Variants in NCBP3 observed in about 807,000 individuals in gnomAD.
The protein encoded by NCBP3 is nuclear cap-binding protein subunit 3.
Under a neutral mutation model 75.7 loss-of-function variants are expected in NCBP3, and 20 were observed. The ratio of observed to expected loss-of-function variants is 0.26; its 90% confidence interval spans 0.19 to 0.38. NCBP3 has a LOEUF of 0.38. Among genes scored for constraint, NCBP3 ranks in the 10% least tolerant of loss-of-function variants. The pLI, the probability that NCBP3 is intolerant of heterozygous loss-of-function variation, is 1.00. For missense variants in NCBP3, 678 were observed against 796.9 expected (o/e 0.85, Z 1.80); for synonymous variants, 293 against 290.5 (o/e 1.01, Z -0.09).
At chr17:3,839,953 A>AGAAATGGAGACT in intron 3 of NCBP3, 147 bp downstream of exon 3, 1 of 591,042 alleles carries the variant, frequency 1.7e-6, no homozygotes, top group Non-Finnish European at 3.0e-6. Flanking sequence ...AGGTGACCTC[A>AGAAATGGAGACT]GAAATGGAGA....
intron 4 of NCBP3, among the ~76,000 whole-genome samples, chr17:3,826,660 AAAAG>A (rs201979779): frequency 0.011 from 1,589 of 149,492 alleles, 10 homozygotes; most frequent in Middle Eastern, 0.014. Flanking sequence ...AAATAAATAA[AAAAG>A]AAAGAAAGAA....
chr17:3,845,543 G>C (rs1461762058), intron 1 of NCBP3, among the ~76,000 whole-genome samples: 1 of 152,162 alleles, frequency 6.6e-6, no homozygotes, highest in Admixed American at 6.5e-5. Flanking sequence ...GACAGAAACA[G>C]TGAGTTTCTG....
At chr17:3,829,974 A>C (rs1235950856) in intron 3 of NCBP3, among the ~76,000 whole-genome samples, 1 of 152,204 alleles carries the variant, frequency 6.6e-6, no homozygotes, top group Non-Finnish European at 1.5e-5. Flanking sequence ...TGAAAACAAG[A>C]AGACACCAGT....
chr17:3,806,154 C>T lies in NCBP3; in HGVS notation c.*6890G>A, dbSNP rs1311940328. ...AGCGCAGTGGCGCGATCTCACCTCA[C>T]TGCAACCTCTGCCTCCCGGGTTCAA... On this transcript the variant is annotated 3_prime_UTR_variant, in exon 13 of 13. Coordinates refer to ENST00000389005, the MANE Select transcript of NCBP3 (RefSeq NM_001114118.3). 2 of 151,848 alleles carry T rather than the reference C, an allele frequency of 1.3e-5. No individual in the cohort carries two copies. The highest frequency in any genetic ancestry group is 1.9e-4 in the East Asian group (1 of 5,196). The allele number at this position is 151,848 out of a possible 1,614,324, so 9.4% of individuals were successfully genotyped here. A position where few individuals can be genotyped will look rare whatever the true frequency, so the allele number is the denominator to read the frequency against.
chr17:3,831,095 G>T (rs1018754746), intron 3 of NCBP3, among the ~76,000 whole-genome samples: 1 of 150,326 alleles, frequency 6.7e-6, no homozygotes, highest in African/African-American at 2.4e-5. Flanking sequence ...ATTTTTAGTA[G>T]AGACGACGTT....
At chr17:3,844,972 C>G (rs1172608229) in intron 1 of NCBP3, among the ~76,000 whole-genome samples, 2 of 152,158 alleles carry the variant, frequency 1.3e-5, no homozygotes, top group African/African-American at 4.8e-5. Context: ...AACTGAATGA[C>G]TAAAGGGATG....
rs531592278 is a variant in NCBP3 at position 3,816,809 on chromosome 17, G to A, written c.1311-539C>T. The stretch of plus-strand genomic sequence containing the variant: ...AGCACTTTGGGAAGCTGAGGCGGGC[G>A]GATCACGAGGTCAGGAGATCGAGAC... On this transcript the variant is annotated intron_variant, in intron 10 of 12. Coordinates refer to ENST00000389005, the MANE Select transcript of NCBP3 (RefSeq NM_001114118.3). 7.5e-4 allele frequency among the ~76,000 whole-genome samples: 114 copies of A among 152,244 alleles called. No individual in the cohort carries two copies. The South Asian group carries it at 0.016, about 21-fold the overall frequency.
At chr17:3,842,984 A>C (rs1156767631) in intron 2 of NCBP3, 102 bp downstream of exon 2, 1 of 1,042,384 alleles carries the variant, frequency 9.6e-7, no homozygotes, top group Non-Finnish European at 1.4e-6. Flanking sequence ...TAAATCCAGC[A>C]ACAAAATAAA....
chr17:3,840,075 A>C (rs1278103684), intron 3 of NCBP3, 25 bp downstream of exon 3: 4 of 1,538,412 alleles, frequency 2.6e-6, no homozygotes, highest in Admixed American at 3.9e-5. Context: ...AAATGTGGAC[A>C]AATTTCCCAC....
chr17:3,830,572 T>C (rs943931591), intron 3 of NCBP3, among the ~76,000 whole-genome samples: 53 of 152,200 alleles, frequency 3.5e-4, no homozygotes, highest in African/African-American at 1.3e-3. Context: ...AAAAAGAAAC[T>C]TAGCCTTATC....
At chr17:3,824,252 G>A (rs1163551223) in intron 7 of NCBP3, 2 of 151,484 alleles carry the variant, frequency 1.3e-5, no homozygotes, top group Non-Finnish European at 2.9e-5. Context: ...TACATTTAGG[G>A]GTGATGGGTT....
rs1398221051 is a variant in NCBP3, at chr17:3,818,554, T to A, written c.1019A>T (p.Glu340Val). ...CTCTTCCTCCTCTTCAATGGGTTCC[T>A]CGGGAACATTCACTAGCCCTGAAGA... The part of the protein sequence containing the change: ...HRHSGLVNVP[E>V]EPIEEEEEEE... The change falls in exon 10 of 13, where the codon GAG becomes GTG. Residue 340 changes from glutamate (E) to valine (V), a missense_variant. Transcript: ENST00000389005. This position sits in a 1 kb window ranked among gnomAD's most constrained non-coding sequence, Gnocchi z 4.7. 6.2e-7 allele frequency: 1 copy of A among 1,606,600 alleles called. No homozygotes were observed. Among genetic ancestry groups the A allele is most frequent in the Admixed American group, 1.7e-5 (1 of 59,872 alleles).
At chr17:3,832,921 C>T (rs1179904829) in intron 3 of NCBP3, among the ~76,000 whole-genome samples, 1 of 152,122 alleles carries the variant, frequency 6.6e-6, no homozygotes, top group Non-Finnish European at 1.5e-5. Flanking sequence ...GCTTTCCTGA[C>T]ATCCCAGATT....
chr17:3,819,647 A>C (rs550794020), intron 9 of NCBP3, among the ~76,000 whole-genome samples: 1 of 152,314 alleles, frequency 6.6e-6, no homozygotes, highest in East Asian at 1.9e-4. Context: ...GCTATGTACG[A>C]TTCAGTATTT....
chr17:3,830,663 C>T (rs1411217186), intron 3 of NCBP3, among the ~76,000 whole-genome samples: 5 of 152,216 alleles, frequency 3.3e-5, no homozygotes, highest in Non-Finnish European at 7.3e-5. Flanking sequence ...TCTCGGCTCA[C>T]TGCAACCTCC....
Position 3,846,149 on chromosome 17 carries a change from G to C in NCBP3, c.75C>G (p.Ser25=), listed in dbSNP as rs888466307. Residue 25 remains serine, a synonymous_variant, in exon 1 of 13, where the codon TCC becomes TCG. Coordinates refer to ENST00000389005, the MANE Select transcript of NCBP3 (RefSeq NM_001114118.3). The surrounding 1 kb of genome is among the most constrained non-coding windows in gnomAD (Gnocchi z 4.6). The part of the protein sequence containing the change: ...APAGPALGLP[S]PEAESGVDRG... ...GGTCAACACCGGACTCCGCCTCAGG[G>C]GACGGGAGCCCCAGGGCCGGCCCCG... 14 of 1,538,334 alleles carry C rather than the reference G, an allele frequency of 9.1e-6. No individual in the cohort carries two copies. The African/African-American group carries it at 1.7e-4, about 19-fold the overall frequency.
In NCBP3 at chr17:3,810,133, A is replaced by C. The variant is rs1488441298; in HGVS notation, c.*2911T>G. On this transcript the variant is annotated 3_prime_UTR_variant, in exon 13 of 13. Transcript: ENST00000389005. ...AAAGCCACTCAAGTGTACACTTTAA[A>C]TGGCTGAACTGTATGCAAATTACAT... 1 of 152,270 alleles carries C rather than the reference A, an allele frequency of 6.6e-6. No homozygotes were observed. The highest frequency in any genetic ancestry group is 6.5e-5 in the Admixed American group (1 of 15,282). 9.4% of individuals were successfully genotyped at this position (152,270 alleles called of 1,614,324 possible).
rs2054159685 is a variant in NCBP3, at chr17:3,846,111, T to A, written c.113A>T (p.Glu38Val). 1 of 1,548,428 alleles carries A rather than the reference T, an allele frequency of 6.5e-7. No homozygotes were observed. Residue 38 changes from glutamate to valine, a missense_variant, in exon 1 of 13, where the codon GAG (glutamate) becomes GTG (valine). Around this residue, in one of 7 missense-constraint regions of NCBP3, gnomAD observed 46 missense variants for 82.8 expected, o/e 0.56. Coordinates refer to ENST00000389005, the MANE Select transcript of NCBP3 (RefSeq NM_001114118.3). This position sits in a 1 kb window ranked among gnomAD's most constrained non-coding sequence, Gnocchi z 4.6. ...CTCGCCCTCCTCCACCTCCATGGGC[T>A]CCGGCTCGCCACGGTCAACACCGGA... ...AESGVDRGEP[E>V]PMEVEEGELE... is the part of the protein sequence containing the mutation.
rs2053323311 is a variant in NCBP3, at chr17:3,805,129, G to C, written c.*7915C>G. On this transcript the variant is annotated 3_prime_UTR_variant, in exon 13 of 13. Coordinates refer to ENST00000389005, the MANE Select transcript of NCBP3 (RefSeq NM_001114118.3). ...CTACAGGTGCCCGCCACCACACCCG[G>C]CTAATTTTTGTATTTTTAGTAGAGA... The C allele has an allele frequency of 6.6e-6, 1 of 152,104 alleles. No homozygotes were observed. Among genetic ancestry groups the C allele is most frequent in the Non-Finnish European group, 1.5e-5 (1 of 68,034 alleles). The allele number at this position is 152,104 out of a possible 1,614,324, so 9.4% of individuals were successfully genotyped here.
Sources: allele counts gnomAD v4.1 joint callset (sites outside exome capture counted in the v4.1 genomes callset), GRCh38; gene constraint gnomAD v4.1.1; regional missense constraint gnomAD v4.1.1; non-coding constraint Gnocchi (gnomAD v3.1); transcripts MANE v1.5; gene names NCBI Gene and HGNC (gene_info 2026-07-23, HGNC 2026-07-21).